The following MOB3B variants were observed in gnomAD, a reference collection of about 807,000 sequenced individuals.
The protein encoded by MOB3B is MOB kinase activator-like 2B.
A neutral mutation model predicts 18.7 loss-of-function variants in MOB3B; 7 were observed. The ratio of observed to expected loss-of-function variants is 0.37; its 90% CI spans 0.21 to 0.70. The LOEUF (loss-of-function observed/expected upper bound fraction) is 0.70. MOB3B is among the 30% of genes least tolerant of loss of function. The probability of loss-of-function intolerance (pLI) is 0.52; values close to 1 mark genes in which losing one functional copy is unlikely to be tolerated. For synonymous variants in MOB3B, 111 were observed against 99.9 expected (o/e 1.11, Z -0.66); for missense variants, 253 against 281.3 (o/e 0.90, Z 0.72).
At chr9:27,503,001 G>C (rs1820011016) in intron 1 of MOB3B, among the ~76,000 whole-genome samples, 1 of 152,144 alleles carries the variant, frequency 6.6e-6, no homozygotes. Context: ...TTTTCTTGGG[G>C]GAAAGAGGTA....
intron 1 of MOB3B, among the ~76,000 whole-genome samples, chr9:27,497,030 A>G (rs1819913094): frequency 6.6e-6 from 1 of 152,196 alleles, no homozygotes; most frequent in Non-Finnish European, 1.5e-5. Flanking sequence ...CTATATTCCA[A>G]GAAACTCCAG....
At position 27,330,342 on chromosome 9, in the gene MOB3B, G is replaced by C; in HGVS notation, c.*245C>G. ...TCGTGGACAATTCCCCAGCCAGAAC[G>C]GTCAAGGGGCTGGTCCTTCTTTCAC... On this transcript the variant is annotated 3_prime_UTR_variant, in exon 4 of 4. Transcript: ENST00000262244. 2.2e-6 allele frequency: 1 copy of C among 451,232 alleles called. No individual in the cohort carries two copies. Among genetic ancestry groups the C allele is most frequent in the Non-Finnish European group, 3.9e-6 (1 of 253,368 alleles). The allele number at this position is 451,232 out of a possible 1,614,324, so 28.0% of individuals were successfully genotyped here. A position where few individuals can be genotyped will look rare whatever the true frequency, so the allele number is the denominator to read the frequency against.
intron 1 of MOB3B, among the ~76,000 whole-genome samples, chr9:27,511,594 TA>T (rs75119168): frequency 2.0e-5 from 3 of 152,152 alleles, no homozygotes; most frequent in East Asian, 1.9e-4. Context: ...ATGTTTTTTT[TA>T]AAAAAAATAG....
chr9:27,439,212 G>T (rs1822559906), intron 2 of MOB3B, among the ~76,000 whole-genome samples: 1 of 152,082 alleles, frequency 6.6e-6, no homozygotes. Context: ...AAAGAGGAAA[G>T]GCAAACAGAA....
intron 3 of MOB3B, among the ~76,000 whole-genome samples, chr9:27,331,167 T>C (rs1820783535): frequency 6.6e-6 from 1 of 152,212 alleles, no homozygotes; most frequent in Non-Finnish European, 1.5e-5. Flanking sequence ...TACACCAAAG[T>C]GTCTGACATG....
chr9:27,431,374 G>GA (rs1028899456), intron 2 of MOB3B, among the ~76,000 whole-genome samples: 3 of 152,128 alleles, frequency 2.0e-5, no homozygotes, highest in Non-Finnish European at 4.4e-5. Context: ...GGAGAGCCAC[G>GA]AAAAAAATGG....
chr9:27,429,715 A>C (rs1191718646), intron 2 of MOB3B, among the ~76,000 whole-genome samples: 1 of 152,196 alleles, frequency 6.6e-6, no homozygotes, highest in Non-Finnish European at 1.5e-5. Context: ...AGCTTGGGCC[A>C]GCCCACCAGT....
At chr9:27,374,818 G>A (rs530989854) in intron 2 of MOB3B, among the ~76,000 whole-genome samples, 19 of 152,246 alleles carry the variant, frequency 1.2e-4, no homozygotes, top group Non-Finnish European at 2.5e-4. Flanking sequence ...GCTCAGTAAT[G>A]TCTGCTCCCC....
chr9:27,346,631 G>A (rs1343394234), intron 3 of MOB3B, among the ~76,000 whole-genome samples: 3 of 152,226 alleles, frequency 2.0e-5, no homozygotes, highest in Non-Finnish European at 4.4e-5. Context: ...GCCATTTAAA[G>A]TTCTTCTATA....
chr9:27,428,828 T>C (rs573934938), intron 2 of MOB3B, among the ~76,000 whole-genome samples: 2 of 152,180 alleles, frequency 1.3e-5, no homozygotes, highest in Non-Finnish European at 2.9e-5. Flanking sequence ...GATAAGGGAC[T>C]GGGTGGGTTG....
At chr9:27,410,416 G>C (rs1346835894) in intron 2 of MOB3B, among the ~76,000 whole-genome samples, 4 of 152,126 alleles carry the variant, frequency 2.6e-5, no homozygotes, top group Non-Finnish European at 5.9e-5. Context: ...GAGTCACCCG[G>C]TTCAAAAGTT....
At chr9:27,347,477 A>G (rs1442198738) in intron 3 of MOB3B, among the ~76,000 whole-genome samples, 5 of 152,254 alleles carry the variant, frequency 3.3e-5, no homozygotes, top group Non-Finnish European at 7.3e-5. Flanking sequence ...AATGGGTGCC[A>G]TAGCACAGGT....
intron 1 of MOB3B, among the ~76,000 whole-genome samples, chr9:27,483,618 C>T (rs959385205): frequency 3.3e-5 from 5 of 152,208 alleles, no homozygotes; most frequent in African/African-American, 1.2e-4. Context: ...GACATACTTA[C>T]AGTCAAATGA....
At chr9:27,403,806 A>T (rs767051362) in intron 2 of MOB3B, among the ~76,000 whole-genome samples, 1 of 152,032 alleles carries the variant, frequency 6.6e-6, no homozygotes, top group African/African-American at 2.4e-5. Flanking sequence ...ATTGTTATGG[A>T]TACATAATAG....
In MOB3B at chr9:27,438,402, G is replaced by T. The variant is rs199560308; in HGVS notation, c.418+16731C>A. Among the ~76,000 whole-genome samples the T allele has an allele frequency of 3.9e-5, 6 of 152,236 alleles. No individual in the cohort carries two copies. The East Asian group carries it at 1.2e-3, about 29-fold the overall frequency. On this transcript the variant is annotated intron_variant, in intron 2 of 3. Coordinates refer to ENST00000262244, the MANE Select transcript of MOB3B (RefSeq NM_024761.5). ...GCTACTGCTGAATTGGTGGTAGGAG[G>T]TCCCCTTCAGCTGAAGGAGGCTCAG...
At chr9:27,447,514 T>C (rs1316642274) in intron 2 of MOB3B, among the ~76,000 whole-genome samples, 1 of 152,200 alleles carries the variant, frequency 6.6e-6, no homozygotes, top group African/African-American at 2.4e-5. Flanking sequence ...ACTTGTCACC[T>C]GAGATACAGC....
chr9:27,474,917 G>A (rs1418882304), intron 1 of MOB3B, among the ~76,000 whole-genome samples: 1 of 152,212 alleles, frequency 6.6e-6, no homozygotes, highest in Non-Finnish European at 1.5e-5. Flanking sequence ...GGCTCCTAGT[G>A]ATCTCTGTCT....
intron 2 of MOB3B, among the ~76,000 whole-genome samples, chr9:27,420,424 G>A (rs1021139456): frequency 5.3e-5 from 8 of 151,154 alleles, no homozygotes; most frequent in South Asian, 2.1e-4. Context: ...ATCGATCAAC[G>A]AGTGGATAAA....
At chr9:27,411,975 T>G (rs11790177) in intron 2 of MOB3B, among the ~76,000 whole-genome samples, 11,538 of 152,156 alleles carry the variant, frequency 0.076, 522 homozygotes, top group South Asian at 0.12. Context: ...TCTGTAAACC[T>G]AAAACTGCTC....
Sources: gnomAD v4.1 joint callset for allele counts (sites outside exome capture counted in the v4.1 genomes callset) on GRCh38, gnomAD v4.1.1 for gene constraint, MANE v1.5 for transcripts, NCBI Gene and HGNC (gene_info 2026-07-23, HGNC 2026-07-21) for gene names.